The following EPS15 variants were observed in gnomAD, a reference collection of about 807,000 sequenced individuals.
EPS15 encodes epidermal growth factor receptor substrate 15.
EPS15 carries 72 observed loss-of-function variants against 113.8 expected under a neutral mutation model. The observed-to-expected ratio is 0.63, with a 90% CI of 0.52 to 0.77. The LOEUF (loss-of-function observed/expected upper bound fraction) is 0.77, where lower values mean the gene tolerates loss of function less well. EPS15 is among the 30% of genes least tolerant of loss of function. The probability of loss-of-function intolerance (pLI) is 0.00; values close to 1 mark genes in which losing one functional copy is unlikely to be tolerated. For missense variants in EPS15, 1,048 were observed against 1,045.8 expected, an observed-to-expected ratio of 1.00 and a Z score of -0.03; for synonymous variants, 344 against 363.4, an observed-to-expected ratio of 0.95 and a Z score of 0.61.
intron 12 of EPS15, among the ~76,000 whole-genome samples, chr1:51,428,143 A>G (rs1481298155): frequency 6.6e-6 from 1 of 152,178 alleles, no homozygotes; most frequent in African/African-American, 2.4e-5. Flanking sequence ...TACCTGACAA[A>G]ACTGTGCTTC....
intron 24 of EPS15, among the ~76,000 whole-genome samples, chr1:51,357,828 C>T (rs2148337460): frequency 6.6e-6 from 1 of 151,546 alleles, no homozygotes; most frequent in African/African-American, 2.4e-5. Context: ...CAACCTCCGC[C>T]TCCCGGGTTC....
At chr1:51,471,582 A>G (rs1655241301) in intron 4 of EPS15, 108 bp downstream of exon 4, 2 of 843,486 alleles carry the variant, frequency 2.4e-6, no homozygotes, top group Non-Finnish European at 4.0e-6. Flanking sequence ...GCAAAACTCT[A>G]ATGTTGGTAA....
At chr1:51,512,577 A>G (rs1644641506) in intron 1 of EPS15, among the ~76,000 whole-genome samples, 1 of 152,180 alleles carries the variant, frequency 6.6e-6, no homozygotes, top group African/African-American at 2.4e-5. Context: ...CTTACAAATC[A>G]GTGAGAAAGA....
At chr1:51,388,565 C>T (rs144866383) in intron 21 of EPS15, among the ~76,000 whole-genome samples, 5,365 of 151,936 alleles carry the variant, frequency 0.035, 119 homozygotes, top group South Asian at 0.06. Flanking sequence ...ATTGATAGAC[C>T]GCTAGCAAGA....
In EPS15 at chr1:51,493,503, C is replaced by T. The variant is rs1644274580; in HGVS notation, c.34-12189G>A. Among the ~76,000 whole-genome samples, 4 of 144,964 alleles carry T rather than the reference C, an allele frequency of 2.8e-5. No individual in the cohort carries two copies. In the South Asian group the frequency reaches 6.7e-4, roughly 24 times the overall value. On this transcript the variant is annotated intron_variant, in intron 1 of 24. Coordinates refer to ENST00000371733, the MANE Select transcript of EPS15 (RefSeq NM_001981.3). ...TCGCACCACTGCACTCCAGCCTGGG[C>T]GACAGAGCAAGACTCAGTCTCAAAT...
At chr1:51,382,528 C>G (rs1424096171) in intron 21 of EPS15, 2 of 150,732 alleles carry the variant, frequency 1.3e-5, no homozygotes, top group African/African-American at 2.4e-5. Context: ...AAGAGATTCT[C>G]CTATCTCAGT....
At chr1:51,491,107 A>G (rs1644224842) in intron 1 of EPS15, among the ~76,000 whole-genome samples, 2 of 152,216 alleles carry the variant, frequency 1.3e-5, no homozygotes, top group South Asian at 4.1e-4. Flanking sequence ...AGTAAAAGGA[A>G]GACAATGGAA....
chr1:51,372,859 G>T, intron 21 of EPS15: 3 of 718,322 alleles, frequency 4.2e-6, no homozygotes, highest in East Asian at 6.0e-5. Flanking sequence ...TGAGGAGGCT[G>T]AACTCCAAGC....
intron 23 of EPS15, among the ~76,000 whole-genome samples, chr1:51,362,597 A>G (rs923799387): frequency 1.3e-5 from 2 of 152,234 alleles, no homozygotes; most frequent in Non-Finnish European, 2.9e-5. Flanking sequence ...GAAATATATG[A>G]CATAAGCTAC....
At position 51,509,141 on chromosome 1, in the gene EPS15, T is replaced by C. The variant is rs1001460137; in HGVS notation, c.33+10058A>G. ...GCAAATGTCATGGTCTTATTCTGTA[T>C]GTCCAAGGCTTACTAGAGTAGTGAC... On this transcript the variant is annotated intron_variant, in intron 1 of 24. Transcript: ENST00000371733. Among the ~76,000 whole-genome samples, 14 of 152,160 alleles carry C rather than the reference T, an allele frequency of 9.2e-5. 1 individual carries two copies. The highest frequency in any genetic ancestry group is 3.3e-4 in the Admixed American group (5 of 15,290).
intron 1 of EPS15, among the ~76,000 whole-genome samples, chr1:51,485,152 A>T (rs1644097501): frequency 6.6e-6 from 1 of 152,190 alleles, no homozygotes; most frequent in Non-Finnish European, 1.5e-5. Flanking sequence ...TAGTGACATC[A>T]CTATTAATGA....
chr1:51,413,668 T>C (rs1649950593), intron 13 of EPS15, among the ~76,000 whole-genome samples: 1 of 152,216 alleles, frequency 6.6e-6, no homozygotes, highest in Admixed American at 6.5e-5. Context: ...ATTTTTATAA[T>C]CTATAGACCA....
intron 24 of EPS15, 132 bp downstream of exon 24, chr1:51,361,039 G>C (rs1441499115): frequency 1.5e-6 from 1 of 688,840 alleles, no homozygotes; most frequent in East Asian, 2.7e-5. Flanking sequence ...TTTTGCTTGG[G>C]GGAAGAATGA....
intron 1 of EPS15, among the ~76,000 whole-genome samples, chr1:51,492,966 G>A (rs555658841): frequency 1.3e-5 from 2 of 152,274 alleles, no homozygotes; most frequent in South Asian, 4.2e-4. Context: ...GGTGGCTCAC[G>A]CCTGTAATCC....
intron 21 of EPS15, among the ~76,000 whole-genome samples, chr1:51,367,067 G>A (rs1382379644): frequency 6.6e-6 from 1 of 152,198 alleles, no homozygotes; most frequent in Non-Finnish European, 1.5e-5. Context: ...TCTTATATGG[G>A]TTATGAAAGA....
intron 12 of EPS15, among the ~76,000 whole-genome samples, chr1:51,438,800 T>C (rs1226182926): frequency 6.6e-6 from 1 of 152,098 alleles, no homozygotes; most frequent in Admixed American, 6.6e-5. Context: ...ACAGAAAGAA[T>C]GCTGAACTTA....
chr1:51,388,933 A>G (rs1378213640), intron 21 of EPS15, among the ~76,000 whole-genome samples: 1 of 152,176 alleles, frequency 6.6e-6, no homozygotes, highest in Non-Finnish European at 1.5e-5. Flanking sequence ...ATTCCAATCA[A>G]CAGAAAAAGA....
chr1:51,408,467 A>G (rs1649352353), intron 14 of EPS15, 135 bp from the exon 15 acceptor site: 1 of 649,094 alleles, frequency 1.5e-6, no homozygotes, highest in Admixed American at 2.9e-5. Context: ...CAAATAATTT[A>G]TTTAATTTAA....
intron 21 of EPS15, among the ~76,000 whole-genome samples, chr1:51,370,472 A>G (rs1400842174): frequency 6.6e-6 from 1 of 152,226 alleles, no homozygotes; most frequent in Non-Finnish European, 1.5e-5. Context: ...TCAGTGCTCA[A>G]AAAGGTTTAG....
Sources: gnomAD v4.1 joint callset for allele counts (sites outside exome capture counted in the v4.1 genomes callset) on GRCh38, gnomAD v4.1.1 for gene constraint, MANE v1.5 for transcripts, NCBI Gene and HGNC (gene_info 2026-07-23, HGNC 2026-07-21) for gene names.